AKAP9: variants seen among roughly 807,000 people sequenced by gnomAD.
AKAP9 encodes A-kinase anchoring protein 9.
AKAP9 carries 311 observed loss-of-function variants against 488.5 expected under a neutral mutation model. That is an observed-to-expected ratio of 0.64 (90% CI 0.58 to 0.70). AKAP9 has a LOEUF of 0.70. AKAP9 is among the 30% of genes least tolerant of loss of function. The pLI, the probability that AKAP9 is intolerant of heterozygous loss-of-function variation, is 0.00. For synonymous variants in AKAP9, 1,462 were observed against 1,483.5 expected, an observed-to-expected ratio of 0.99 and a Z score of 0.33; for missense variants, 4,215 against 4,374.5, an observed-to-expected ratio of 0.96 and a Z score of 1.03.
At chr7:92,076,824 T>C in intron 28 of AKAP9, 31 bp from the exon 29 acceptor site, 1 of 1,306,606 alleles carries the variant, frequency 7.7e-7, no homozygotes, top group Non-Finnish European at 1.1e-6. Context: ...GTATAAACAT[T>C]TTTTCTCTTT....
At position 92,016,170 on chromosome 7, in the gene AKAP9, A is replaced by G. The variant is rs759387887; in HGVS notation, c.3654A>G (p.Leu1218=). The G allele has an allele frequency of 6.2e-7, 1 of 1,601,696 alleles. No individual in the cohort carries two copies. The highest frequency in any genetic ancestry group is 2.2e-5 in the East Asian group (1 of 44,654). ...SVLGEYYTPA[L]KCEVNAEDKE... The stretch of plus-strand genomic sequence containing the variant: ...TTGGTGAATATTATACTCCTGCTTT[A>G]AAATGTGAAGTAAATGCAGAAGACA... Residue 1218 remains leucine (L), a synonymous_variant, in exon 11 of 50, where the codon TTA becomes TTG. Coordinates refer to ENST00000356239, the MANE Select transcript of AKAP9 (RefSeq NM_005751.5).
intron 47 of AKAP9, among the ~76,000 whole-genome samples, chr7:92,106,623 CT>C (rs1158385274): frequency 6.6e-6 from 1 of 152,178 alleles, no homozygotes; most frequent in Non-Finnish European, 1.5e-5. Flanking sequence ...GCTAAAATTC[CT>C]TCTGTCTACA....
intron 1 of AKAP9, among the ~76,000 whole-genome samples, chr7:91,950,712 C>T (rs959980829): frequency 2.6e-5 from 4 of 152,102 alleles, no homozygotes; most frequent in Non-Finnish European, 5.9e-5. Context: ...TTAATTCTTA[C>T]GCCGTTTATA....
In AKAP9 at chr7:92,094,951, C is replaced by G. The variant is rs186965972; in HGVS notation, c.9579-72C>G. The stretch of plus-strand genomic sequence containing the variant: ...ATATGCCTCAACTTATCAGTAGAAG[C>G]TGTTTTTCTCTCTCTCATTATATGC... On this transcript the variant is annotated intron_variant, in intron 39 of 49. Transcript: ENST00000356239. 12 of 1,386,144 alleles carry G rather than the reference C, an allele frequency of 8.7e-6. No homozygotes were observed. The East Asian group carries it at 2.7e-4, about 32-fold the overall frequency. The allele number at this position is 1,386,144 out of a possible 1,614,324, so 85.9% of individuals were successfully genotyped here. A position where few individuals can be genotyped will look rare whatever the true frequency, so the allele number is the denominator to read the frequency against.
At chr7:92,063,509 A>T in intron 24 of AKAP9, 2 of 983,948 alleles carry the variant, frequency 2.0e-6, no homozygotes, top group Non-Finnish European at 2.4e-6. Context: ...AGGTGTGTGT[A>T]TACCATTGCA....
At chr7:91,976,165 C>T (rs868217673) in intron 2 of AKAP9, among the ~76,000 whole-genome samples, 4 of 152,074 alleles carry the variant, frequency 2.6e-5, no homozygotes, top group Non-Finnish European at 4.4e-5. Flanking sequence ...CCAAGTGATA[C>T]GTCCACCTCA....
At chr7:91,995,506 G>A (rs879125726) in intron 6 of AKAP9, 97 bp from the exon 7 acceptor site, 8 of 1,068,108 alleles carry the variant, frequency 7.5e-6, no homozygotes, top group South Asian at 6.9e-5. Context: ...AGCCTGCAGA[G>A]TTCCCAGAGA....
At chr7:92,084,605 A>G in intron 33 of AKAP9, 35 bp from the exon 34 acceptor site, 1 of 1,543,414 alleles carries the variant, frequency 6.5e-7, no homozygotes, top group South Asian at 1.1e-5. Flanking sequence ...TTATTAAAGC[A>G]AAAAATATAT....
chr7:92,095,145 G>T lies in AKAP9; in HGVS notation c.9701G>T (p.Ser3234Ile). ...LEKEKAKLGR[S>I]EERDKEELED... ...AAAGAGAAAGCCAAGTTGGGACGCAGTGAAGAACGGGATAAAGAAGAACTT... is the reference window on the plus strand; with the variant it reads ...AAAGAGAAAGCCAAGTTGGGACGCATTGAAGAACGGGATAAAGAAGAACTT... Residue 3234 changes from serine to isoleucine, a missense_variant, in exon 40 of 50, where the codon AGT becomes ATT. Physicochemically the swap from Ser to Ile is moderately radical, Grantham distance 142. This residue lies in a region of AKAP9 where 1,476 missense variants were observed against 1,477.4 expected (regional missense o/e 1.00). Coordinates refer to ENST00000356239, the MANE Select transcript of AKAP9 (RefSeq NM_005751.5). 1 of 1,614,180 alleles carries T rather than the reference G, an allele frequency of 6.2e-7. No individual in the cohort carries two copies. The highest frequency in any genetic ancestry group is 8.5e-7 in the Non-Finnish European group (1 of 1,180,024).
chr7:92,062,029 G>T (rs1010572929), intron 23 of AKAP9, among the ~76,000 whole-genome samples: 5 of 152,258 alleles, frequency 3.3e-5, no homozygotes, highest in Non-Finnish European at 7.4e-5. Flanking sequence ...GTATAGCAAA[G>T]TATTAGAAAA....
Position 92,045,981 on chromosome 7 carries a change from A to G in AKAP9, c.5368+768A>G, listed in dbSNP as rs548020738. Among the ~76,000 whole-genome samples the G allele has an allele frequency of 2.6e-5, 4 of 151,720 alleles. No individual in the cohort carries two copies. The East Asian group carries it at 7.7e-4, about 29-fold the overall frequency. ...CTCAACTAGCTGGGACTACAGGTGC[A>G]TGCCACCATGCCCAGCTAATTTTTG... On this transcript the variant is annotated intron_variant, in intron 21 of 49. Transcript: ENST00000356239.
At chr7:91,990,336 CAG>C (rs990651185) in intron 3 of AKAP9, among the ~76,000 whole-genome samples, 5 of 151,934 alleles carry the variant, frequency 3.3e-5, no homozygotes, top group African/African-American at 1.2e-4. Flanking sequence ...AATTTAAAAA[CAG>C]AATAATTTAT....
Position 92,003,200 on chromosome 7 carries a change from C to T in AKAP9, c.3283C>T (p.Leu1095Phe). 1 of 1,609,782 alleles carries T rather than the reference C, an allele frequency of 6.2e-7. No individual in the cohort carries two copies. Among genetic ancestry groups the T allele is most frequent in the Non-Finnish European group, 8.5e-7 (1 of 1,176,952 alleles). ...RATQPSENDK[L>F]QKELNVLKSE... ...AACTCAACCAAGTGAAAATGATAAACTTCAGAAAGAACTCAATGTACTTAA... is the reference window on the plus strand; with the variant it reads ...AACTCAACCAAGTGAAAATGATAAATTTCAGAAAGAACTCAATGTACTTAA... Residue 1095 changes from leucine (L) to phenylalanine (F), a missense_variant, in exon 8 of 50, where the codon CTT (leucine) becomes TTT (phenylalanine). Physicochemically the swap from Leu to Phe is conservative, Grantham distance 22. Coordinates refer to ENST00000356239, the MANE Select transcript of AKAP9 (RefSeq NM_005751.5).
Position 92,084,920 on chromosome 7 carries a change from TC to T in AKAP9, c.8814del (p.Pro2940GlnfsTer4). Reference protein sequence around the residue: ...RGEESESATDSFPKKIKGLLR... With the variant: ...RGEESESATDXFPKKIKGLLR... ...AGAAGAAAGTGAAAGTGCAACAGAT[TC>T]CTTTCCAAAGAAAATAAAGGTACTA... On this transcript the variant is annotated frameshift_variant, in exon 35 of 50. Transcript: ENST00000356239. LOFTEE classifies it high-confidence loss of function. 6.2e-7 allele frequency: 1 copy of T among 1,613,314 alleles called. No homozygotes were observed.
chr7:91,986,987 GA>G (rs1797178349), intron 3 of AKAP9, among the ~76,000 whole-genome samples: 1 of 151,706 alleles, frequency 6.6e-6, no homozygotes, highest in Non-Finnish European at 1.5e-5. Context: ...CAAGTTTTTG[GA>G]AAGATACTTA....
intron 28 of AKAP9, among the ~76,000 whole-genome samples, chr7:92,076,613 C>T (rs573403291): frequency 5.9e-5 from 9 of 152,262 alleles, no homozygotes; most frequent in African/African-American, 1.9e-4. Context: ...TCCTTTTATC[C>T]TTCCTCAGGA....
At position 92,014,327 on chromosome 7, in the gene AKAP9, A is replaced by G. The variant is rs775827621; in HGVS notation, c.3611A>G (p.Gln1204Arg). 1 of 1,606,074 alleles carries G rather than the reference A, an allele frequency of 6.2e-7. No homozygotes were observed. Among genetic ancestry groups the G allele is most frequent in the South Asian group, 1.1e-5 (1 of 90,662 alleles). Residue 1204 changes from glutamine (Q) to arginine (R), a missense_variant and splice_region_variant, in exon 10 of 50, where the codon CAG becomes CGG. Transcript: ENST00000356239. ...TCTGAAGAATGTTCTTATTTTTTACAGGTAAAATGTTTAAAAGTACTTTTA... is the reference window on the plus strand; with the variant it reads ...TCTGAAGAATGTTCTTATTTTTTACGGGTAAAATGTTTAAAAGTACTTTTA... ...AVSEECSYFL[Q>R]TLCSVLGEYY...
chr7:91,994,014 A>G (rs1798083309), intron 5 of AKAP9, among the ~76,000 whole-genome samples: 3 of 152,146 alleles, frequency 2.0e-5, no homozygotes, highest in Non-Finnish European at 4.4e-5. Flanking sequence ...CTGTAGTCCT[A>G]GTTACTTGGG....
At chr7:91,972,165 T>C (rs1480152217) in intron 1 of AKAP9, among the ~76,000 whole-genome samples, 2 of 152,086 alleles carry the variant, frequency 1.3e-5, no homozygotes, top group Admixed American at 6.5e-5. Context: ...CCAGAGGACC[T>C]GTGGCATGAA....
Sources: allele counts gnomAD v4.1 joint callset (sites outside exome capture counted in the v4.1 genomes callset), GRCh38; gene constraint gnomAD v4.1.1; regional missense constraint gnomAD v4.1.1; transcripts MANE v1.5; gene names NCBI Gene and HGNC (gene_info 2026-07-23, HGNC 2026-07-21).